Variants in ARID4A observed in about 807,000 individuals in gnomAD.
The protein encoded by ARID4A is AT-rich interaction domain 4A.
In ARID4A, 39 loss-of-function variants were observed where a neutral mutation model predicts 148.6. That is an observed-to-expected ratio of 0.26 (90% confidence interval 0.20 to 0.34). The LOEUF (loss-of-function observed/expected upper bound fraction) is 0.34, where lower values mean the gene tolerates loss of function less well. Ranked by LOEUF, ARID4A falls within the 10% of genes least tolerant of loss-of-function variation. The pLI is 1.00. For synonymous variants in ARID4A, 475 were observed against 481.2 expected (o/e 0.99, Z 0.17); for missense variants, 1,265 against 1,449.1 (o/e 0.87, Z 2.06).
chr14:58,319,745 G>A (rs965663099), intron 7 of ARID4A, among the ~76,000 whole-genome samples: 9 of 150,374 alleles, frequency 6.0e-5, no homozygotes, highest in Admixed American at 2.0e-4. Flanking sequence ...GTTTCGCTTT[G>A]TTGGCCAAAT....
At chr14:58,330,314 G>T (rs1179506748) in intron 11 of ARID4A, 145 bp downstream of exon 11, 1 of 1,187,668 alleles carries the variant, frequency 8.4e-7, no homozygotes, top group African/African-American at 1.6e-5. Context: ...TGTTGAGGAA[G>T]CATTTTGGCT....
At chr14:58,365,491 A>AAAAAAT in intron 20 of ARID4A, 27 bp from the exon 21 acceptor site, 2 of 518,624 alleles carry the variant, frequency 3.9e-6, no homozygotes, top group Non-Finnish European at 5.4e-6. Context: ...TTTTTTTTTC[A>AAAAAAT]ACATTCTCTC....
At position 58,344,782 on chromosome 14, in the gene ARID4A, A is replaced by G. The variant is rs749307700; in HGVS notation, c.979+15A>G. On this transcript the variant is annotated intron_variant, in intron 12 of 23. Transcript: ENST00000355431. ...GGAAGACAGAGGTATTTTCATGCTCATTATTTTAAAGTAGTCATTTCTTTT... is the reference window on the plus strand; with the variant it reads ...GGAAGACAGAGGTATTTTCATGCTCGTTATTTTAAAGTAGTCATTTCTTTT... 3 of 1,589,338 alleles carry G rather than the reference A, an allele frequency of 1.9e-6. No homozygotes were observed. The highest frequency in any genetic ancestry group is 2.6e-6 in the Non-Finnish European group (3 of 1,160,244).
intron 5 of ARID4A, among the ~76,000 whole-genome samples, chr14:58,315,339 A>ATTGT (rs1440641494): frequency 1.3e-5 from 2 of 152,130 alleles, no homozygotes. Context: ...AAATTTTTGA[A>ATTGT]TTGTTGAAAT....
chr14:58,321,133 C>T (rs2032861064), intron 7 of ARID4A, among the ~76,000 whole-genome samples: 1 of 152,156 alleles, frequency 6.6e-6, no homozygotes, highest in Non-Finnish European at 1.5e-5. Flanking sequence ...TTCAGAATTA[C>T]TATAGTTACC....
chr14:58,302,221 C>T (rs967786773), intron 3 of ARID4A, among the ~76,000 whole-genome samples: 11 of 151,538 alleles, frequency 7.3e-5, no homozygotes, highest in South Asian at 6.3e-4. Context: ...AGACCCGGCG[C>T]GGTGACTCAC....
At chr14:58,303,691 G>T (rs1594860484) in intron 3 of ARID4A, 1 of 284,488 alleles carries the variant, frequency 3.5e-6, no homozygotes, top group East Asian at 8.8e-5. Context: ...AGCAGCATCA[G>T]CCTTACTTGG....
At chr14:58,324,156 G>A (rs370036905) in intron 8 of ARID4A, among the ~76,000 whole-genome samples, 13 of 151,926 alleles carry the variant, frequency 8.6e-5, no homozygotes, top group African/African-American at 2.4e-5. Context: ...CGCCCACCTC[G>A]GCCTCCAAAG....
At chr14:58,330,576 C>T (rs535193988) in intron 11 of ARID4A, among the ~76,000 whole-genome samples, 1 of 152,126 alleles carries the variant, frequency 6.6e-6, no homozygotes, top group South Asian at 2.1e-4. Flanking sequence ...AGTAACTTTC[C>T]CAAGCTGGCA....
intron 11 of ARID4A, among the ~76,000 whole-genome samples, chr14:58,337,510 CAAG>C (rs2033893619): frequency 6.6e-6 from 1 of 151,656 alleles, no homozygotes; most frequent in Admixed American, 6.6e-5. Flanking sequence ...CTCTTTGAAA[CAAG>C]GTGGTGGGAG....
intron 17 of ARID4A, among the ~76,000 whole-genome samples, chr14:58,357,439 A>T (rs891603851): frequency 1.3e-5 from 2 of 152,190 alleles, no homozygotes; most frequent in African/African-American, 4.8e-5. Context: ...ACTGGCTTAT[A>T]AAGCAAGAAT....
chr14:58,300,963 T>C (rs1265442297), intron 2 of ARID4A, among the ~76,000 whole-genome samples: 2 of 152,174 alleles, frequency 1.3e-5, no homozygotes, highest in African/African-American at 4.8e-5. Flanking sequence ...GTAACGCTTA[T>C]TTTTTTATAC....
At chr14:58,306,743 G>T (rs1435075332) in intron 5 of ARID4A, among the ~76,000 whole-genome samples, 1 of 152,150 alleles carries the variant, frequency 6.6e-6, no homozygotes, top group Non-Finnish European at 1.5e-5. Flanking sequence ...CCTGGTATTA[G>T]TGGTGCATGC....
At chr14:58,302,178 C>T (rs914585955) in intron 3 of ARID4A, among the ~76,000 whole-genome samples, 2 of 152,040 alleles carry the variant, frequency 1.3e-5, no homozygotes, top group Admixed American at 6.5e-5. Context: ...GCCAACGTGG[C>T]GAAACCCTGT....
rs2035688002 is a variant in ARID4A, at chr14:58,373,469, G to C, written c.*1480G>C. 1.7e-5 allele frequency: 3 copies of C among 179,552 alleles called. No homozygotes were observed. Among genetic ancestry groups the C allele is most frequent in the South Asian group, 3.9e-4 (2 of 5,066 alleles). 11.1% of individuals were successfully genotyped at this position (179,552 alleles called of 1,614,324 possible). ...AATAATAACCTAGATGCTCTAGACT[G>C]TATATCAGGATCTGATTTACAAGAA... On this transcript the variant is annotated 3_prime_UTR_variant, in exon 24 of 24. Transcript: ENST00000355431.
At chr14:58,350,876 G>T (rs2140241712) in intron 15 of ARID4A, among the ~76,000 whole-genome samples, 197 bp from the exon 16 acceptor site, 1 of 152,208 alleles carries the variant, frequency 6.6e-6, no homozygotes, top group South Asian at 2.1e-4. Context: ...AGCCAAAGTA[G>T]ACCTGGACAT....
chr14:58,326,398 C>G (rs1269061655), intron 8 of ARID4A, among the ~76,000 whole-genome samples: 1 of 152,172 alleles, frequency 6.6e-6, no homozygotes, highest in African/African-American at 2.4e-5. Context: ...GATCGCGCCA[C>G]TGCACTCCAG....
intron 11 of ARID4A, among the ~76,000 whole-genome samples, chr14:58,332,878 T>C (rs1023645970): frequency 3.9e-5 from 6 of 152,140 alleles, no homozygotes; most frequent in African/African-American, 1.4e-4. Context: ...TTATTTGTTG[T>C]TTTTAGTATA....
intron 21 of ARID4A, 30 bp downstream of exon 21, chr14:58,365,652 T>C (rs1340718477): frequency 6.4e-7 from 1 of 1,573,964 alleles, no homozygotes; most frequent in Admixed American, 1.7e-5. Flanking sequence ...AGCTTTTGTA[T>C]AGTGTTAGTA....
Sources: gnomAD v4.1 joint callset for allele counts (sites outside exome capture counted in the v4.1 genomes callset) on GRCh38, gnomAD v4.1.1 for gene constraint, MANE v1.5 for transcripts, NCBI Gene and HGNC (gene_info 2026-07-23, HGNC 2026-07-21) for gene names.